MGAT4C: variants seen among roughly 807,000 people sequenced by gnomAD.
MGAT4C encodes the protein MGAT4 family member C.
Under a neutral mutation model 40.1 loss-of-function variants are expected in MGAT4C, and 19 were observed. That is an observed-to-expected ratio of 0.47 (90% CI 0.33 to 0.70). MGAT4C has a LOEUF of 0.70. Among genes scored for constraint, MGAT4C ranks in the 30% least tolerant of loss-of-function variants. The probability of loss-of-function intolerance (pLI) is 0.02; values close to 1 mark genes in which losing one functional copy is unlikely to be tolerated. For synonymous variants in MGAT4C, 181 were observed against 187.1 expected (o/e 0.97, Z 0.27); for missense variants, 491 against 563.2 (o/e 0.87, Z 1.30).
chr12:86,338,451 C>T (rs1029065474), intron 3 of MGAT4C, among the ~76,000 whole-genome samples: 1 of 152,134 alleles, frequency 6.6e-6, no homozygotes, highest in Non-Finnish European at 1.5e-5. Context: ...AATCTTGTGG[C>T]TAATTTCTTA....
chr12:86,740,172 C>G (rs1403067045), intron 1 of MGAT4C, among the ~76,000 whole-genome samples: 4 of 151,082 alleles, frequency 2.6e-5, no homozygotes, highest in African/African-American at 9.7e-5. Flanking sequence ...AAGCTATGTT[C>G]TCTTTTTATG....
chr12:86,710,700 G>GA (rs1198011636), intron 2 of MGAT4C, among the ~76,000 whole-genome samples: 2 of 151,878 alleles, frequency 1.3e-5, no homozygotes, highest in African/African-American at 2.4e-5. Flanking sequence ...CTACCCAAAG[G>GA]AAAAAAAGTC....
intron 1 of MGAT4C, among the ~76,000 whole-genome samples, chr12:86,250,342 A>ACT (rs1952221830): frequency 1.5e-5 from 2 of 135,306 alleles, no homozygotes; most frequent in African/African-American, 5.8e-5. Context: ...AGAGAGAGAG[A>ACT]GAGAGAGAGA....
chr12:86,377,425 A>C (rs974385030), intron 3 of MGAT4C, among the ~76,000 whole-genome samples: 4 of 152,206 alleles, frequency 2.6e-5, no homozygotes, highest in African/African-American at 7.2e-5. Flanking sequence ...TGAAATGGTA[A>C]TCAACAGTGA....
At chr12:86,097,776 A>G (rs540001100) in intron 1 of MGAT4C, among the ~76,000 whole-genome samples, 2 of 151,720 alleles carry the variant, frequency 1.3e-5, no homozygotes, top group African/African-American at 4.8e-5. Context: ...ATTTTATTCA[A>G]ACTAATTTCT....
rs531510242 is a variant in MGAT4C, at chr12:86,284,476, G to GA, written c.-57+49588dup. ...ATTATGCTGAAGTTTAAACTAGTCTGAAAAAATCTGCCAAAAAAATACCCA... is the reference window on the plus strand; with the variant it reads ...ATTATGCTGAAGTTTAAACTAGTCTGAAAAAAATCTGCCAAAAAAATACCCA... On this transcript the variant is annotated intron_variant, in intron 4 of 7. Coordinates refer to the MGAT4C transcript ENST00000548651. Among the ~76,000 whole-genome samples, 506 of 151,844 alleles carry GA rather than the reference G, an allele frequency of 3.3e-3. 6 individuals carry two copies. The highest frequency in any genetic ancestry group is 0.013 in the South Asian group (62 of 4,820).
intron 2 of MGAT4C, among the ~76,000 whole-genome samples, chr12:86,024,395 A>G (rs1890062418): frequency 6.6e-6 from 1 of 151,830 alleles, no homozygotes; most frequent in African/African-American, 2.4e-5. Context: ...TATGCAAAAA[A>G]TATAGAGCAA....
chr12:86,481,815 C>G (rs1382690685), intron 2 of MGAT4C, among the ~76,000 whole-genome samples: 1 of 151,638 alleles, frequency 6.6e-6, no homozygotes, highest in Non-Finnish European at 1.5e-5. Flanking sequence ...TGGGGTCTTG[C>G]TATGTTTCAC....
intron 2 of MGAT4C, among the ~76,000 whole-genome samples, chr12:86,705,792 C>T (rs751633809): frequency 9.2e-5 from 14 of 151,998 alleles, no homozygotes; most frequent in African/African-American, 2.9e-4. Flanking sequence ...TAATGGGGAT[C>T]GGGAGTTTTT....
At chr12:86,190,320 C>A (rs558081272) in intron 1 of MGAT4C, among the ~76,000 whole-genome samples, 3 of 152,128 alleles carry the variant, frequency 2.0e-5, no homozygotes, top group South Asian at 4.1e-4. Context: ...TAATTATGAT[C>A]AAAAGTAAAG....
intron 2 of MGAT4C, among the ~76,000 whole-genome samples, chr12:86,503,896 G>C (rs960542020): frequency 6.9e-6 from 1 of 144,616 alleles, no homozygotes; most frequent in Admixed American, 7.1e-5. Flanking sequence ...AAAATCCACA[G>C]TTGGAAAAGA....
chr12:86,570,542 T>G (rs1960319284), intron 2 of MGAT4C, among the ~76,000 whole-genome samples: 1 of 152,016 alleles, frequency 6.6e-6, no homozygotes, highest in Admixed American at 6.6e-5. Flanking sequence ...GCGCATCCAT[T>G]TAAAATGGCT....
chr12:86,005,335 G>A (rs545992948), intron 2 of MGAT4C, among the ~76,000 whole-genome samples: 1 of 152,202 alleles, frequency 6.6e-6, no homozygotes, highest in East Asian at 1.9e-4. Context: ...TGGCAATATA[G>A]TTATTTACAT....
chr12:86,486,057 T>C (rs1565794232), intron 2 of MGAT4C, among the ~76,000 whole-genome samples: 1 of 152,058 alleles, frequency 6.6e-6, no homozygotes, highest in Non-Finnish European at 1.5e-5. Context: ...AGACAAGCCT[T>C]ATAAAAGGTC....
intron 2 of MGAT4C, chr12:86,022,599 C>A: frequency 6.6e-6 from 1 of 152,178 alleles, no homozygotes; most frequent in East Asian, 1.9e-4. Context: ...AGCTGTAGTC[C>A]CAGATACTTG....
intron 2 of MGAT4C, among the ~76,000 whole-genome samples, chr12:86,546,180 A>C (rs1024560659): frequency 6.6e-6 from 1 of 151,902 alleles, no homozygotes; most frequent in Non-Finnish European, 1.5e-5. Context: ...AAGCTTGTTT[A>C]TGTATTTTGC....
intron 1 of MGAT4C, among the ~76,000 whole-genome samples, chr12:86,074,473 A>G (rs1003724075): frequency 6.6e-6 from 1 of 152,174 alleles, no homozygotes; most frequent in African/African-American, 2.4e-5. Context: ...CATTTTGTAG[A>G]ATAATCCATA....
chr12:86,480,833 A>G (rs1957925785), intron 2 of MGAT4C, among the ~76,000 whole-genome samples: 1 of 151,732 alleles, frequency 6.6e-6, no homozygotes, highest in Admixed American at 6.6e-5. Context: ...CTACAATAAA[A>G]CAACCTTTTG....
At chr12:86,248,169 G>A (rs529125812) in intron 1 of MGAT4C, among the ~76,000 whole-genome samples, 5 of 151,732 alleles carry the variant, frequency 3.3e-5, no homozygotes, top group South Asian at 2.1e-4. Flanking sequence ...CATGTCTAAA[G>A]TACACAAAGA....
Sources: gnomAD v4.1 joint callset for allele counts (sites outside exome capture counted in the v4.1 genomes callset) on GRCh38, gnomAD v4.1.1 for gene constraint, MANE v1.5 for transcripts, NCBI Gene and HGNC (gene_info 2026-07-23, HGNC 2026-07-21) for gene names.